Variants in EXTL3 observed in about 807,000 individuals in gnomAD.
The protein encoded by EXTL3 is exostosin-like 3.
EXTL3 carries 27 observed loss-of-function variants against 69.3 expected under a neutral mutation model. The observed-to-expected ratio is 0.39, with a 90% CI of 0.29 to 0.54. EXTL3 has a LOEUF of 0.54. Ranked by LOEUF, EXTL3 falls within the 20% of genes least tolerant of loss-of-function variation. The probability of loss-of-function intolerance (pLI) is 0.69; values close to 1 mark genes in which losing one functional copy is unlikely to be tolerated. For synonymous variants in EXTL3, 511 were observed against 499.4 expected, an observed-to-expected ratio of 1.02 and a Z score of -0.31; for missense variants, 1,003 against 1,231.8, an observed-to-expected ratio of 0.81 and a Z score of 2.78.
chr8:28,744,846 C>T (rs1216475543), intron 6 of EXTL3, among the ~76,000 whole-genome samples: 3 of 151,010 alleles, frequency 2.0e-5, no homozygotes, highest in African/African-American at 7.3e-5. Flanking sequence ...GCCTGTAATC[C>T]CAGCTACTCA....
At chr8:28,639,044 TCTC>T (rs1463712917) in intron 1 of EXTL3, among the ~76,000 whole-genome samples, 1 of 151,594 alleles carries the variant, frequency 6.6e-6, no homozygotes, top group Non-Finnish European at 1.5e-5. Flanking sequence ...TTCACGCAAT[TCTC>T]CTGCCTCAGC....
chr8:28,651,270 C>G (rs1010778877), intron 1 of EXTL3, among the ~76,000 whole-genome samples: 2 of 152,170 alleles, frequency 1.3e-5, no homozygotes, highest in Admixed American at 1.3e-4. Context: ...GCCCACCATG[C>G]TGCTGTTTGC....
At chr8:28,667,241 A>G (rs1807211104) in intron 1 of EXTL3, among the ~76,000 whole-genome samples, 1 of 152,200 alleles carries the variant, frequency 6.6e-6, no homozygotes, top group South Asian at 2.1e-4. Context: ...TTTGTAGACA[A>G]TGGACAAGGT....
At chr8:28,672,708 C>T (rs1807316281) in intron 1 of EXTL3, among the ~76,000 whole-genome samples, 1 of 152,182 alleles carries the variant, frequency 6.6e-6, no homozygotes, top group Non-Finnish European at 1.5e-5. Flanking sequence ...GCCCATGTTT[C>T]AGAATCACGG....
At chr8:28,749,315 A>C (rs1264843186) in intron 6 of EXTL3, among the ~76,000 whole-genome samples, 1 of 152,276 alleles carries the variant, frequency 6.6e-6, no homozygotes, top group Non-Finnish European at 1.5e-5. Context: ...CACTCCAAAA[A>C]GAACAAACAG....
In EXTL3 at chr8:28,745,221, A is replaced by G. The variant is rs186120375; in HGVS notation, c.2550+2007A>G. Among the ~76,000 whole-genome samples the G allele has an allele frequency of 5.3e-5, 8 of 152,290 alleles. No homozygotes were observed. In the East Asian group the frequency reaches 1.5e-3, roughly 29 times the overall value. ...AGAAAGAAGTCGTAGCTTGAGTGCT[A>G]AGCAGGGTGGCCACCAGAGGACGCT... On this transcript the variant is annotated intron_variant, in intron 6 of 6. Transcript: ENST00000220562.
At chr8:28,631,536 T>A (rs1806570365) in intron 1 of EXTL3, 2 of 152,172 alleles carry the variant, frequency 1.3e-5, no homozygotes, top group African/African-American at 4.8e-5. Context: ...GTTGAAGTGT[T>A]AAAACAAGAA....
At position 28,676,211 on chromosome 8, in the gene EXTL3, C is replaced by T. The variant is rs887650557; in HGVS notation, c.-52-37246C>T. On this transcript the variant is annotated intron_variant, in intron 1 of 6. Transcript: ENST00000523149. ...TTACAGTGCAATTGTCATTTGAGGC[C>T]TACTCACCCACCCTGGGAGGGTCTA... Among the ~76,000 whole-genome samples the T allele has an allele frequency of 2.6e-5, 4 of 151,996 alleles. No homozygotes were observed. The South Asian group carries it at 6.2e-4, about 24-fold the overall frequency.
At chr8:28,611,198 C>T (rs1274521207) in intron 2 of EXTL3, among the ~76,000 whole-genome samples, 3 of 152,152 alleles carry the variant, frequency 2.0e-5, no homozygotes, top group African/African-American at 7.2e-5. Context: ...CCTGTATAAT[C>T]CCGGCACTCT....
At chr8:28,656,139 T>C (rs1807006423) in intron 1 of EXTL3, among the ~76,000 whole-genome samples, 1 of 151,954 alleles carries the variant, frequency 6.6e-6, no homozygotes, top group African/African-American at 2.4e-5. Flanking sequence ...TAATTTATAA[T>C]TTATTATCCG....
intron 1 of EXTL3, among the ~76,000 whole-genome samples, chr8:28,678,618 T>G (rs1157521010): frequency 6.6e-6 from 1 of 152,200 alleles, no homozygotes; most frequent in Non-Finnish European, 1.5e-5. Flanking sequence ...GCTGGTGGCA[T>G]GCTTTTTGTG....
rs537721750 is a variant in EXTL3 at position 28,701,617 on chromosome 8, AGGCGGCGGC to A, written c.-597_-589del. 2.5e-4 allele frequency: 40 copies of A among 161,728 alleles called. No individual in the cohort carries two copies. Among genetic ancestry groups the A allele is most frequent in the South Asian group, 5.1e-4 (3 of 5,924 alleles). The allele number at this position is 161,728 out of a possible 1,614,324, so 10.0% of individuals were successfully genotyped here. A position where few individuals can be genotyped will look rare whatever the true frequency, so the allele number is the denominator to read the frequency against. On this transcript the variant is annotated 5_prime_UTR_variant, in exon 1 of 7. Coordinates refer to ENST00000220562, the MANE Select transcript of EXTL3 (RefSeq NM_001440.4). ...GCTTCTGGGACGCCGACTTTCGCGC[AGGCGGCGGC>A]GGCGGCGGCGGCGGGTCCCTGAGCT...
chr8:28,733,818 C>CTTT (rs768694070), intron 4 of EXTL3, among the ~76,000 whole-genome samples: 2 of 139,118 alleles, frequency 1.4e-5, no homozygotes, highest in Non-Finnish European at 1.6e-5. Flanking sequence ...GGATTGTCGT[C>CTTT]TTTTTTTTTT....
At chr8:28,660,232 T>A (rs1051349579) in intron 1 of EXTL3, among the ~76,000 whole-genome samples, 9 of 152,082 alleles carry the variant, frequency 5.9e-5, no homozygotes, top group Non-Finnish European at 1.3e-4. Context: ...AGTGTAGTGG[T>A]GTACACCTGT....
chr8:28,710,600 GT>G (rs1348249009), intron 1 of EXTL3: 1 of 341,196 alleles, frequency 2.9e-6, no homozygotes, highest in East Asian at 9.5e-5. Context: ...TTTTTTTGTA[GT>G]TTTCTTTCTT....
intron 1 of EXTL3, among the ~76,000 whole-genome samples, chr8:28,678,524 C>T (rs913993474): frequency 2.3e-4 from 35 of 152,102 alleles, no homozygotes; most frequent in African/African-American, 8.2e-4. Flanking sequence ...CTTTTTCTCT[C>T]TCCATGTGAT....
rs1228176409 is a variant in EXTL3 at position 28,727,572 on chromosome 8, GT to G, written c.2149-3649del. 2.0e-5 allele frequency among the ~76,000 whole-genome samples: 3 copies of G among 152,258 alleles called. No homozygotes were observed. In the East Asian group the frequency reaches 5.8e-4, roughly 29 times the overall value. On this transcript the variant is annotated intron_variant, in intron 3 of 6. Transcript: ENST00000220562. ...TTTTCGTTTTCAGGTGCAGAGTTAG[GT>G]TGTTTATAGGATTGTCAAGTTTGGC...
chr8:28,661,125 G>T (rs1402463076), intron 1 of EXTL3, among the ~76,000 whole-genome samples: 4 of 151,796 alleles, frequency 2.6e-5, no homozygotes, highest in African/African-American at 9.7e-5. Flanking sequence ...GTGTTAGCCA[G>T]GATGGTCTCG....
chr8:28,742,787 A>T (rs1801807311), intron 5 of EXTL3: 1 of 377,646 alleles, frequency 2.6e-6, no homozygotes, highest in East Asian at 5.8e-5. Flanking sequence ...TTGAACCAGC[A>T]TCTGACCTAG....
Sources: gnomAD v4.1 joint callset for allele counts (sites outside exome capture counted in the v4.1 genomes callset) on GRCh38, gnomAD v4.1.1 for gene constraint, MANE v1.5 for transcripts, NCBI Gene and HGNC (gene_info 2026-07-23, HGNC 2026-07-21) for gene names.